The following PGAP3 variants were observed in gnomAD, a reference collection of about 807,000 sequenced individuals.
The protein encoded by PGAP3 is GPI-specific phospholipase A2-like PGAP3.
In PGAP3, 31 loss-of-function variants were observed where a neutral mutation model predicts 40.3. That is an observed-to-expected ratio of 0.77 (90% CI 0.58 to 1.04). The LOEUF (loss-of-function observed/expected upper bound fraction) is 1.04, where lower values mean the gene tolerates loss of function less well. PGAP3 is among the 50% of genes least tolerant of loss of function. The pLI, the probability that PGAP3 is intolerant of heterozygous loss-of-function variation, is 0.00. For synonymous variants in PGAP3, 191 were observed against 184.5 expected, an observed-to-expected ratio of 1.04 and a Z score of -0.29; for missense variants, 413 against 423.0, an observed-to-expected ratio of 0.98 and a Z score of 0.21.
Position 39,687,883 on chromosome 17 carries a change from G to A in PGAP3, c.132C>T (p.Gly44=), listed in dbSNP as rs769425361. ...GGCGGGAGCGGAAGTGATTCAGAGCGCCCCCAGAGCAGTTCTGCTCTTCGC... is the reference window on the plus strand; with the variant it reads ...GGCGGGAGCGGAAGTGATTCAGAGCACCCCCAGAGCAGTTCTGCTCTTCGC... ...LQCEEQNCSG[G]ALNHFRSRQP... is the part of the protein sequence containing the mutation. The change falls in exon 1 of 8, where the codon GGC becomes GGT. Residue 44 remains glycine (G), a synonymous_variant. Transcript: ENST00000300658. The A allele has an allele frequency of 1.0e-5, 15 of 1,502,212 alleles. No individual in the cohort carries two copies. Among genetic ancestry groups the A allele is most frequent in the African/African-American group, 5.6e-5 (4 of 71,038 alleles). The allele number at this position is 1,502,212 out of a possible 1,614,324, so 93.1% of individuals were successfully genotyped here.
At chr17:39,683,725 C>G (rs569129348) in intron 3 of PGAP3, among the ~76,000 whole-genome samples, 2 of 152,282 alleles carry the variant, frequency 1.3e-5, no homozygotes, top group South Asian at 4.1e-4. Context: ...CACACAATAC[C>G]AGGCCCTGAA....
chr17:39,677,670 C>G (rs986124292), intron 3 of PGAP3, among the ~76,000 whole-genome samples: 2 of 151,874 alleles, frequency 1.3e-5, no homozygotes, highest in African/African-American at 4.8e-5. Flanking sequence ...CAGAGCTTTG[C>G]GTAAACACTG....
rs1466773408 is a variant in PGAP3, at chr17:39,673,051, C to G, written c.899G>C (p.Ser300Thr). The G allele has an allele frequency of 6.2e-7, 1 of 1,603,330 alleles. No homozygotes were observed. The highest frequency in any genetic ancestry group is 8.5e-7 in the Non-Finnish European group (1 of 1,175,472). The change falls in exon 7 of 8, where the codon AGC (serine) becomes ACC (threonine). Residue 300 changes from serine to threonine, a missense_variant and splice_region_variant. Transcript: ENST00000300658. ...STIPVHVLFF[S>T]FLEDDSLYLL... ...GCACCAGGCAGGGGGCAGCACCCAC[C>G]TGAAAAAGAGGACGTGGACAGGGAT... is the stretch of plus-strand genomic sequence containing the variant.
rs756360382 is a variant in PGAP3, at chr17:39,673,550, C to T, written c.658G>A (p.Asp220Asn). ...HVSYLSLIRF[D>N]YGYNLVANVA... ...TTGGCCACCAGGTTGTAGCCATAGT[C>T]GAAGCGGATGAGGCTCAGGTAGGAG... is the stretch of plus-strand genomic sequence containing the variant. Residue 220 changes from aspartate to asparagine, a missense_variant, in exon 6 of 8, where the codon GAC (aspartate) becomes AAC (asparagine). Physicochemically the swap from Asp to Asn is conservative, Grantham distance 23. Transcript: ENST00000300658. The T allele has an allele frequency of 1.5e-5, 24 of 1,614,010 alleles. No homozygotes were observed. Among genetic ancestry groups the T allele is most frequent in the African/African-American group, 6.7e-5 (5 of 74,912 alleles).
Position 39,687,898 on chromosome 17 carries a change from C to A in PGAP3, c.117G>T (p.Gln39His), listed in dbSNP as rs1463822780. The A allele has an allele frequency of 1.3e-6, 2 of 1,515,376 alleles. No homozygotes were observed. Among genetic ancestry groups the A allele is most frequent in the Non-Finnish European group, 8.9e-7 (1 of 1,121,898 alleles). The allele number at this position is 1,515,376 out of a possible 1,614,324, so 93.9% of individuals were successfully genotyped here. A position where few individuals can be genotyped will look rare whatever the true frequency, so the allele number is the denominator to read the frequency against. Reference sequence around the variant, plus strand: ...GATTCAGAGCGCCCCCAGAGCAGTTCTGCTCTTCGCACTGCAGTACGCAGT... The same window carrying A: ...GATTCAGAGCGCCCCCAGAGCAGTTATGCTCTTCGCACTGCAGTACGCAGT... The part of the protein sequence containing the change: ...YRDCVLQCEE[Q>H]NCSGGALNHF... Residue 39 changes from glutamine to histidine, a missense_variant, in exon 1 of 8, where the codon CAG becomes CAT. Coordinates refer to ENST00000300658, the MANE Select transcript of PGAP3 (RefSeq NM_033419.5).
chr17:39,687,954 A>G lies in PGAP3; in HGVS notation c.61T>C (p.Ser21Pro), dbSNP rs2057594210. ...TACACCGGCTCACGGTCGCCCTGGG[A>G]GCCGCTCGCCAGCGCCGCTGCCCCA... ...LAGAAALASG[S>P]QGDREPVYRD... The change falls in exon 1 of 8, where the codon TCC becomes CCC. Residue 21 changes from serine (S) to proline (P), a missense_variant. By Grantham distance (74) the Ser-to-Pro change is moderately conservative (BLOSUM62 -1). Coordinates refer to ENST00000300658, the MANE Select transcript of PGAP3 (RefSeq NM_033419.5). The G allele has an allele frequency of 5.4e-6, 8 of 1,473,690 alleles. No homozygotes were observed. Among genetic ancestry groups the G allele is most frequent in the Non-Finnish European group, 6.4e-6 (7 of 1,097,470 alleles). The allele number at this position is 1,473,690 out of a possible 1,614,324, so 91.3% of individuals were successfully genotyped here. A position where few individuals can be genotyped will look rare whatever the true frequency, so the allele number is the denominator to read the frequency against.
At chr17:39,681,996 G>A (rs1368551166) in intron 3 of PGAP3, among the ~76,000 whole-genome samples, 2 of 151,434 alleles carry the variant, frequency 1.3e-5, no homozygotes. Context: ...CGAGGCAGGC[G>A]GATCACGAGA....
At position 39,688,048 on chromosome 17, in the gene PGAP3, T is replaced by C. The variant is rs2057599708; in HGVS notation, c.-34A>G. ...CCTGGCTCGCCGCCGGGGGAGGAGC[T>C]TAGGAGTATGAAGCTTCCACTTCCG... On this transcript the variant is annotated 5_prime_UTR_variant, in exon 1 of 8. Coordinates refer to ENST00000300658, the MANE Select transcript of PGAP3 (RefSeq NM_033419.5). 7.4e-7 allele frequency: 1 copy of C among 1,347,020 alleles called. No homozygotes were observed. Among genetic ancestry groups the C allele is most frequent in the South Asian group, 1.8e-5 (1 of 56,936 alleles). The allele number at this position is 1,347,020 out of a possible 1,614,324, so 83.4% of individuals were successfully genotyped here. A position where few individuals can be genotyped will look rare whatever the true frequency, so the allele number is the denominator to read the frequency against.
intron 3 of PGAP3, among the ~76,000 whole-genome samples, chr17:39,679,947 C>G (rs1439016370): frequency 6.6e-6 from 1 of 152,210 alleles, no homozygotes; most frequent in Non-Finnish European, 1.5e-5. Flanking sequence ...CTTCCCTGGC[C>G]TGGCAGACTT....
Position 39,684,732 on chromosome 17 carries a change from G to C in PGAP3, c.297C>G (p.Phe99Leu). ...CCGATGCCGGCTCTTGAAAGAACAGGAACCGGGAGAAGGGCCACTGAAAAA... is the reference window on the plus strand; with the variant it reads ...CCGATGCCGGCTCTTGAAAGAACAGCAACCGGGAGAAGGGCCACTGAAAAA... Reference protein sequence around the residue: ...QFHGKWPFSRFLFFQEPASAV... With the variant: ...QFHGKWPFSRLLFFQEPASAV... Residue 99 changes from phenylalanine (F) to leucine (L), a missense_variant, in exon 3 of 8, where the codon TTC becomes TTG. Transcript: ENST00000300658. 15 of 1,607,868 alleles carry C rather than the reference G, an allele frequency of 9.3e-6. No homozygotes were observed. The highest frequency in any genetic ancestry group is 1.3e-5 in the Non-Finnish European group (15 of 1,177,174).
At chr17:39,678,520 T>G (rs2057402343) in intron 3 of PGAP3, among the ~76,000 whole-genome samples, 2 of 152,216 alleles carry the variant, frequency 1.3e-5, no homozygotes, top group Non-Finnish European at 2.9e-5. Context: ...GCTGCCTTCT[T>G]GTGCCAGCGT....
At chr17:39,675,689 A>C (rs751933193) in intron 3 of PGAP3, among the ~76,000 whole-genome samples, 82 of 152,214 alleles carry the variant, frequency 5.4e-4, no homozygotes, top group Non-Finnish European at 1.0e-3. Flanking sequence ...TCTGTCTGGC[A>C]CTGTAGCAGG....
At chr17:39,686,952 T>A (rs188039765) in intron 1 of PGAP3, among the ~76,000 whole-genome samples, 11 of 152,176 alleles carry the variant, frequency 7.2e-5, no homozygotes, top group Admixed American at 7.2e-4. Context: ...TCCCTTCCTA[T>A]GAAAATGAAG....
At chr17:39,672,959 G>A in intron 7 of PGAP3, 92 bp downstream of exon 7, 1 of 1,577,990 alleles carries the variant, frequency 6.3e-7, no homozygotes, top group Non-Finnish European at 8.7e-7. Context: ...GTGGGAGGGG[G>A]CGGATGGGCA....
intron 2 of PGAP3, among the ~76,000 whole-genome samples, chr17:39,685,314 TAAA>T (rs34291948): frequency 2.4e-5 from 3 of 125,262 alleles, no homozygotes; most frequent in Admixed American, 8.1e-5. Context: ...CATCTCTACT[TAAA>T]AAAAAAAAAA....
chr17:39,687,744 CTA>C, intron 1 of PGAP3, 88 bp downstream of exon 1: 1 of 1,074,218 alleles, frequency 9.3e-7, no homozygotes, highest in Non-Finnish European at 1.2e-6. Context: ...CGTGGGGAAA[CTA>C]AGGTTCAGGG....
Position 39,673,620 on chromosome 17 carries a change from G to A in PGAP3, c.588C>T (p.Val196=). 2.5e-6 allele frequency: 4 copies of A among 1,614,110 alleles called. No homozygotes were observed. The highest frequency in any genetic ancestry group is 3.4e-6 in the Non-Finnish European group (4 of 1,180,020). The stretch of plus-strand genomic sequence containing the variant: ...GCAGCAGGAGAGCCCGGAAGGCACT[G>A]ACCACAGCTGGGTGCTGCAGCCCCA... ...RTVGLQHPAV[V]SAFRALLLLM... is the part of the protein sequence containing the mutation. Residue 196 remains valine (V), a synonymous_variant, in exon 6 of 8, where the codon GTC becomes GTT. Transcript: ENST00000300658.
Position 39,684,393 on chromosome 17 carries a change from C to T in PGAP3, c.432+204G>A, listed in dbSNP as rs113071750. ...CCTCTCTCCTTCCCAAACAGCCTGA[C>T]CTAGGGCTCTGCTGGAAAGGTAAGG... On this transcript the variant is annotated intron_variant, in intron 3 of 7. Transcript: ENST00000300658. 7.5e-3 allele frequency among the ~76,000 whole-genome samples: 1,137 copies of T among 152,294 alleles called. 9 individuals are homozygous for T. Among genetic ancestry groups the T allele is most frequent in the African/African-American group, 0.026 (1,067 of 41,558 alleles).
At position 39,684,602 on chromosome 17, in the gene PGAP3, C is replaced by A. The variant is rs767604038; in HGVS notation, c.427G>T (p.Ala143Ser). 1 of 1,609,660 alleles carries A rather than the reference C, an allele frequency of 6.2e-7. No homozygotes were observed. The highest frequency in any genetic ancestry group is 8.5e-7 in the Non-Finnish European group (1 of 1,178,090). Residue 143 changes from alanine (A) to serine (S), a missense_variant, in exon 3 of 8, where the codon GCC (alanine) becomes TCC (serine). Physicochemically the swap from Ala to Ser is moderately conservative, Grantham distance 99 (BLOSUM62 1). Transcript: ENST00000300658. ...AGTCCTGCTAGGTTACCTACCCAGG[C>A]GAAGGCCACACAGGTGTGGTACATG... Reference protein sequence around the residue: ...SPMYHTCVAFAWVSLNAWFWS... With the variant: ...SPMYHTCVAFSWVSLNAWFWS...
Sources: gnomAD v4.1 joint callset for allele counts (sites outside exome capture counted in the v4.1 genomes callset) on GRCh38, gnomAD v4.1.1 for gene constraint, MANE v1.5 for transcripts, NCBI Gene and HGNC (gene_info 2026-07-23, HGNC 2026-07-21) for gene names.